SHCBP1L: variants seen among roughly 807,000 people sequenced by gnomAD.
SHCBP1L encodes SHC binding and spindle associated 1 like.
Under a neutral mutation model 62.5 loss-of-function variants are expected in SHCBP1L, and 67 were observed. That is an observed-to-expected ratio of 1.07 (90% CI 0.88 to 1.31). The LOEUF is 1.31. Among genes scored for constraint, SHCBP1L ranks in the 40% most tolerant of loss-of-function variants. The pLI is 0.00. For synonymous variants in SHCBP1L, 284 were observed against 289.4 expected (o/e 0.98, Z 0.19); for missense variants, 823 against 809.8 (o/e 1.02, Z -0.20).
intron 6 of SHCBP1L, among the ~76,000 whole-genome samples, chr1:182,924,046 C>T (rs975635171): frequency 6.6e-6 from 1 of 152,086 alleles, no homozygotes; most frequent in Admixed American, 6.5e-5. Context: ...TTTCAGGACA[C>T]AAAAATCAAT....
chr1:182,931,476 C>T (rs1019359669), intron 5 of SHCBP1L, among the ~76,000 whole-genome samples: 5 of 152,164 alleles, frequency 3.3e-5, no homozygotes, highest in African/African-American at 1.2e-4. Context: ...AACTCAATCA[C>T]AATAATAAAG....
intron 6 of SHCBP1L, among the ~76,000 whole-genome samples, chr1:182,925,070 G>GGGAAGGAAAGGAAGGAAGGGAAGGAAA: frequency 6.8e-6 from 1 of 146,864 alleles, no homozygotes; most frequent in African/African-American, 2.6e-5. Context: ...AGGGAAGGAA[G>GGGAAGGAAAGGAAGGAAGGGAAGGAAA]GGAAGGAAAG....
chr1:182,951,551 TTCTA>T, intron 1 of SHCBP1L, 84 bp from the exon 2 acceptor site: 6 of 969,128 alleles, frequency 6.2e-6, no homozygotes, highest in Non-Finnish European at 8.5e-6. Flanking sequence ...TTTTACTGAT[TTCTA>T]TTTTAAAATG....
chr1:182,927,725 ATTTCATGAAC>A (rs1483659126), intron 6 of SHCBP1L, among the ~76,000 whole-genome samples: 1 of 151,950 alleles, frequency 6.6e-6, no homozygotes, highest in East Asian at 1.9e-4. Context: ...ATCAAGCTAT[ATTTCATGAAC>A]CTCAAAAGTA....
At chr1:182,945,130 T>A (rs1038975697) in intron 2 of SHCBP1L, among the ~76,000 whole-genome samples, 18 of 151,976 alleles carry the variant, frequency 1.2e-4, no homozygotes, top group African/African-American at 4.3e-4. Flanking sequence ...CATCCGGCTA[T>A]TTTTTGTATT....
rs752518833 is a variant in SHCBP1L, at chr1:182,951,302, A to T, written c.555+16T>A. On this transcript the variant is annotated intron_variant, in intron 2 of 9. Transcript: ENST00000367547. ...ACTGATTCAAAAAGAACAAAGATCA[A>T]ATAAAATTTATTTACCTCAACCAAT... 6.6e-7 allele frequency: 1 copy of T among 1,518,440 alleles called. No individual in the cohort carries two copies. 94.1% of individuals were successfully genotyped at this position (1,518,440 alleles called of 1,614,324 possible).
At chr1:182,901,273 C>T (rs1465668624) in intron 9 of SHCBP1L, among the ~76,000 whole-genome samples, 1 of 152,084 alleles carries the variant, frequency 6.6e-6, no homozygotes, top group African/African-American at 2.4e-5. Flanking sequence ...GCCTGACCAA[C>T]ATGGAGAAAC....
At chr1:182,927,648 G>C (rs1650818026) in intron 6 of SHCBP1L, among the ~76,000 whole-genome samples, 1 of 148,732 alleles carries the variant, frequency 6.7e-6, no homozygotes, top group African/African-American at 2.5e-5. Context: ...CTCCAGCCTG[G>C]GCGACAGAGC....
At chr1:182,936,130 G>GTTTTTTTTTTTTTTTTTTTTTTTTT (rs71127329) in intron 5 of SHCBP1L, among the ~76,000 whole-genome samples, 4 of 63,982 alleles carry the variant, frequency 6.3e-5, no homozygotes, top group East Asian at 5.1e-4. Flanking sequence ...TTTGTTTTTT[G>GTTTTTTTTTTTTTTTTTTTTTTTTT]TTTTTTTTTT....
intron 6 of SHCBP1L, among the ~76,000 whole-genome samples, chr1:182,906,952 G>A (rs560119989): frequency 6.6e-6 from 1 of 152,004 alleles, no homozygotes; most frequent in South Asian, 2.1e-4. Flanking sequence ...TGAGTAGCTG[G>A]GACTAGAGGC....
chr1:182,944,957 CTTTTTTTTT>C (rs11309339), intron 2 of SHCBP1L, among the ~76,000 whole-genome samples: 5 of 109,046 alleles, frequency 4.6e-5, no homozygotes, highest in East Asian at 2.5e-4. Context: ...TTCTTTCTTT[CTTTTTTTTT>C]TTTTTTTTTT....
In SHCBP1L at chr1:182,952,808, A is replaced by G; in HGVS notation, c.326T>C (p.Val109Ala). The change falls in exon 1 of 10, where the codon GTC (valine) becomes GCC (alanine). Residue 109 changes from valine to alanine, a missense_variant. Coordinates refer to ENST00000367547, the MANE Select transcript of SHCBP1L (RefSeq NM_030933.4). ...DEEEAQPLPP[V>A]CVSRMRGMWR... Reference sequence around the variant, plus strand: ...CATCCCCCTCATACGGGACACGCAGACTGGGGGCAGGGGCTGCGCCTCCTC... The same window carrying G: ...CATCCCCCTCATACGGGACACGCAGGCTGGGGGCAGGGGCTGCGCCTCCTC... 1 of 1,612,662 alleles carries G rather than the reference A, an allele frequency of 6.2e-7. No homozygotes were observed. Among genetic ancestry groups the G allele is most frequent in the Non-Finnish European group, 8.5e-7 (1 of 1,179,530 alleles).
intron 1 of SHCBP1L, 149 bp downstream of exon 1, chr1:182,952,580 T>C (rs1254846224): frequency 1.1e-6 from 1 of 914,028 alleles, no homozygotes; most frequent in Non-Finnish European, 1.6e-6. Flanking sequence ...GTGAACGCTC[T>C]ATACATGTTG....
intron 6 of SHCBP1L, among the ~76,000 whole-genome samples, chr1:182,918,388 T>C (rs1650428237): frequency 6.6e-6 from 1 of 151,610 alleles, no homozygotes; most frequent in African/African-American, 2.4e-5. Flanking sequence ...AAAAGAAAAT[T>C]AAGAAAATTC....
intron 6 of SHCBP1L, among the ~76,000 whole-genome samples, chr1:182,924,800 G>GAAA (rs1488177793): frequency 7.2e-6 from 1 of 138,164 alleles, no homozygotes; most frequent in Admixed American, 7.4e-5. Flanking sequence ...GAGAAAGAAA[G>GAAA]GAAGGAAGGA....
At chr1:182,944,163 C>T (rs1026317371) in intron 2 of SHCBP1L, among the ~76,000 whole-genome samples, 10 of 61,186 alleles carry the variant, frequency 1.6e-4, no homozygotes, top group East Asian at 2.1e-3. Context: ...TAAAAGAGGC[C>T]GGGAGGCCGA....
intron 5 of SHCBP1L, among the ~76,000 whole-genome samples, chr1:182,930,449 T>C (rs1317709296): frequency 6.7e-6 from 1 of 150,146 alleles, no homozygotes; most frequent in African/African-American, 2.4e-5. Context: ...CTTTTTCCAA[T>C]AGATAAGGAT....
intron 6 of SHCBP1L, among the ~76,000 whole-genome samples, chr1:182,913,783 C>G (rs111338576): frequency 0.041 from 6,215 of 152,206 alleles, 386 homozygotes; most frequent in African/African-American, 0.14. Context: ...GAGTTCCAGA[C>G]CAGCTTGGCC....
intron 5 of SHCBP1L, among the ~76,000 whole-genome samples, chr1:182,935,499 G>T (rs1348583818): frequency 6.6e-6 from 1 of 152,096 alleles, no homozygotes; most frequent in Admixed American, 6.5e-5. Flanking sequence ...TATTAACCTT[G>T]CTTCCTGTAA....
Sources: gnomAD v4.1 joint callset for allele counts (sites outside exome capture counted in the v4.1 genomes callset) on GRCh38, gnomAD v4.1.1 for gene constraint, MANE v1.5 for transcripts, NCBI Gene and HGNC (gene_info 2026-07-23, HGNC 2026-07-21) for gene names.